The following MDFIC2 variants were observed in gnomAD, a reference collection of about 807,000 sequenced individuals.
MDFIC2 encodes myoD family inhibitor domain-containing protein 2.
intron 2 of MDFIC2, among the ~76,000 whole-genome samples, chr3:70,268,012 C>T (rs923551563): frequency 2.6e-5 from 4 of 151,108 alleles, no homozygotes; most frequent in African/African-American, 9.8e-5. Flanking sequence ...TTCTCCTCCC[C>T]TCCTTCTCTT....
rs959773200 is a variant in MDFIC2, at chr3:70,260,989, C to G, written c.88+50897G>C. Among the ~76,000 whole-genome samples, 253 of 152,184 alleles carry G rather than the reference C, an allele frequency of 1.7e-3. 8 individuals are homozygous for G. The highest frequency in any genetic ancestry group is 0.016 in the Admixed American group (250 of 15,254). Reference sequence around the variant, plus strand: ...TTATAATATTTGCAGAACTTGTGGGCCCCAGGTCTCTTGAAAAATTCCGCT... The same window carrying G: ...TTATAATATTTGCAGAACTTGTGGGGCCCAGGTCTCTTGAAAAATTCCGCT... On this transcript the variant is annotated intron_variant, in intron 2 of 3. Transcript: ENST00000567252.
intron 1 of MDFIC2, among the ~76,000 whole-genome samples, chr3:70,312,184 C>G (rs1220286192): frequency 6.6e-6 from 1 of 152,118 alleles, no homozygotes; most frequent in Non-Finnish European, 1.5e-5. Flanking sequence ...TATGATATTT[C>G]TTTGCCCAGC....
chr3:70,279,736 A>G (rs1199675918), intron 2 of MDFIC2, among the ~76,000 whole-genome samples: 1 of 152,194 alleles, frequency 6.6e-6, no homozygotes, highest in Non-Finnish European at 1.5e-5. Flanking sequence ...AGTAGTTGCC[A>G]AGGAGCTGGA....
intron 2 of MDFIC2, among the ~76,000 whole-genome samples, chr3:70,223,290 C>G (rs968775951): frequency 2.0e-5 from 3 of 152,134 alleles, no homozygotes; most frequent in Admixed American, 1.3e-4. Context: ...GTCACACAGT[C>G]AAGACTCAAC....
chr3:70,293,479 C>T (rs948884860), intron 2 of MDFIC2, among the ~76,000 whole-genome samples: 2 of 152,048 alleles, frequency 1.3e-5, no homozygotes, highest in African/African-American at 4.8e-5. Flanking sequence ...GACAAAATCA[C>T]AGGCGATGCT....
At chr3:70,304,501 T>A (rs1702381930) in intron 2 of MDFIC2, among the ~76,000 whole-genome samples, 1 of 152,168 alleles carries the variant, frequency 6.6e-6, no homozygotes, top group Non-Finnish European at 1.5e-5. Context: ...TTTCTCTCTC[T>A]CACTTCACCA....
At chr3:70,238,595 G>T (rs1273192522) in intron 2 of MDFIC2, among the ~76,000 whole-genome samples, 10 of 151,882 alleles carry the variant, frequency 6.6e-5, no homozygotes, top group African/African-American at 2.4e-4. Context: ...CTGGATGAGA[G>T]TGAGCACTTG....
chr3:70,250,511 A>G (rs1701754495), intron 2 of MDFIC2, among the ~76,000 whole-genome samples: 1 of 151,844 alleles, frequency 6.6e-6, no homozygotes, highest in African/African-American at 2.4e-5. Context: ...CATTTCTTTG[A>G]GCTTTTAGAT....
intron 2 of MDFIC2, among the ~76,000 whole-genome samples, chr3:70,285,457 T>G (rs1702151082): frequency 1.3e-5 from 2 of 152,064 alleles, no homozygotes; most frequent in Admixed American, 1.3e-4. Flanking sequence ...CAGTCTATCA[T>G]TGTTGGACAT....
intron 2 of MDFIC2, among the ~76,000 whole-genome samples, chr3:70,264,326 G>A (rs1020495607): frequency 9.9e-5 from 15 of 152,106 alleles, no homozygotes; most frequent in Admixed American, 3.3e-4. Flanking sequence ...CCTTTATCAC[G>A]TTTACATATT....
chr3:70,224,346 G>A (rs1380268330), intron 2 of MDFIC2, among the ~76,000 whole-genome samples: 1 of 152,156 alleles, frequency 6.6e-6, no homozygotes, highest in Non-Finnish European at 1.5e-5. Context: ...ATGCTGCAGC[G>A]GATGGTGCAA....
Position 70,256,030 on chromosome 3 carries a change from A to G in MDFIC2, c.89-49240T>C, listed in dbSNP as rs1314566822. On this transcript the variant is annotated intron_variant, in intron 2 of 3. Coordinates refer to ENST00000567252, the MANE Select transcript of MDFIC2 (RefSeq NM_001364677.1). ...TGAACCAGTTTATAGGTGTAATAGT[A>G]CCACCCCAAATTATTTTTTTGATAC... 2.6e-5 allele frequency among the ~76,000 whole-genome samples: 4 copies of G among 152,196 alleles called. No homozygotes were observed. In the South Asian group the frequency reaches 6.2e-4, roughly 24 times the overall value.
intron 2 of MDFIC2, chr3:70,292,029 T>C (rs1192534659): frequency 6.6e-6 from 1 of 152,188 alleles, no homozygotes; most frequent in East Asian, 1.9e-4. Context: ...GAATAAATAG[T>C]CTCTTCCTTC....
chr3:70,214,215 T>C (rs190385908), intron 2 of MDFIC2, among the ~76,000 whole-genome samples: 31 of 152,218 alleles, frequency 2.0e-4, no homozygotes, highest in Non-Finnish European at 3.7e-4. Flanking sequence ...ATATTTGACA[T>C]TTTTTCTTTA....
chr3:70,256,389 T>C (rs1295394452), intron 2 of MDFIC2, among the ~76,000 whole-genome samples: 2 of 152,198 alleles, frequency 1.3e-5, no homozygotes, highest in Admixed American at 1.3e-4. Context: ...CTAAGATTCC[T>C]TTAAAATGCC....
intron 2 of MDFIC2, among the ~76,000 whole-genome samples, chr3:70,227,528 GA>G (rs1302065936): frequency 2.6e-5 from 4 of 152,172 alleles, no homozygotes; most frequent in African/African-American, 7.2e-5. Flanking sequence ...AAGGCTAGAA[GA>G]CAAAGTGAGT....
chr3:70,278,126 C>T (rs1389642827), intron 2 of MDFIC2, among the ~76,000 whole-genome samples: 3 of 152,136 alleles, frequency 2.0e-5, no homozygotes. Context: ...CACCTTTGCC[C>T]CCAACTTCTT....
intron 2 of MDFIC2, among the ~76,000 whole-genome samples, chr3:70,283,078 T>C (rs1421450766): frequency 6.6e-6 from 1 of 152,146 alleles, no homozygotes; most frequent in Non-Finnish European, 1.5e-5. Context: ...TATGATTCTC[T>C]CCACCAATAG....
At chr3:70,271,910 C>T (rs113256151) in intron 2 of MDFIC2, 7 of 152,118 alleles carry the variant, frequency 4.6e-5, no homozygotes, top group African/African-American at 1.4e-4. Context: ...CTTACAGGCA[C>T]CTGCCATCAT....
Sources: gnomAD v4.1 joint callset for allele counts (sites outside exome capture counted in the v4.1 genomes callset) on GRCh38, gnomAD v4.1.1 for gene constraint, MANE v1.5 for transcripts, NCBI Gene and HGNC (gene_info 2026-07-23, HGNC 2026-07-21) for gene names.